PPIL4: variants seen among roughly 807,000 people sequenced by gnomAD.
PPIL4 encodes the protein peptidylprolyl isomerase like 4.
PPIL4 carries 50 observed loss-of-function variants against 69.1 expected under a neutral mutation model. The ratio of observed to expected loss-of-function variants is 0.72; its 90% CI spans 0.58 to 0.92. The LOEUF (loss-of-function observed/expected upper bound fraction) is 0.92, where lower values mean the gene tolerates loss of function less well. Among genes scored for constraint, PPIL4 ranks in the 40% least tolerant of loss-of-function variants. The pLI is 0.00. For synonymous variants in PPIL4, 193 were observed against 191.6 expected, an observed-to-expected ratio of 1.01 and a Z score of -0.06; for missense variants, 480 against 587.9, an observed-to-expected ratio of 0.82 and a Z score of 1.90.
At chr6:149,537,795 G>C (rs1777300364) in intron 4 of PPIL4, among the ~76,000 whole-genome samples, 1 of 152,120 alleles carries the variant, frequency 6.6e-6, no homozygotes, top group Non-Finnish European at 1.5e-5. Flanking sequence ...TCTGTTTACA[G>C]CAGGGTTTAT....
At chr6:149,510,225 C>T (rs1296122144) in intron 12 of PPIL4, among the ~76,000 whole-genome samples, 1 of 152,122 alleles carries the variant, frequency 6.6e-6, no homozygotes, top group South Asian at 2.1e-4. Flanking sequence ...AAAGAGCTAA[C>T]TACATATATC....
rs1562259490 is a variant in PPIL4, at chr6:149,525,136, G to C, written c.870+7C>G. ...AATACCAAACTTATGTCTGTATTAT[G>C]ACATACCTTTTCAAATTCAATAAAA... On this transcript the variant is annotated splice_region_variant and intron_variant, in intron 9 of 12. Transcript: ENST00000253329. The C allele has an allele frequency of 1.4e-6, 2 of 1,445,872 alleles. No homozygotes were observed. Among genetic ancestry groups the C allele is most frequent in the Non-Finnish European group, 1.9e-6 (2 of 1,040,582 alleles). 89.6% of individuals were successfully genotyped at this position (1,445,872 alleles called of 1,614,324 possible).
intron 6 of PPIL4, among the ~76,000 whole-genome samples, chr6:149,533,953 C>T (rs1201163237): frequency 1.3e-5 from 2 of 151,942 alleles, no homozygotes; most frequent in African/African-American, 4.8e-5. Flanking sequence ...GTCAGGAGTT[C>T]GAGACCAGCC....
Position 149,505,700 on chromosome 6 carries a change from A to G in PPIL4, c.1232T>C (p.Ile411Thr). 1 of 1,609,610 alleles carries G rather than the reference A, an allele frequency of 6.2e-7. No individual in the cohort carries two copies. Among genetic ancestry groups the G allele is most frequent in the East Asian group, 2.2e-5 (1 of 44,846 alleles). Residue 411 changes from isoleucine to threonine, a missense_variant, in exon 13 of 13, where the codon ATC becomes ACC. Physicochemically the swap from Ile to Thr is moderately conservative, Grantham distance 89 (BLOSUM62 -1). Transcript: ENST00000253329. ...YMPIKNTNQD[I>T]YREMGFGHYE... ...GTGACCAAACCCCATTTCTCTATAG[A>G]TATCCTGTCAAAGGAAGGGGGAATT...
chr6:149,531,803 A>G (rs957903279), intron 7 of PPIL4, among the ~76,000 whole-genome samples: 1 of 151,848 alleles, frequency 6.6e-6, no homozygotes, highest in African/African-American at 2.4e-5. Flanking sequence ...CTGAGTATCT[A>G]GGATTACAGC....
At chr6:149,511,960 T>C (rs1241550095) in intron 12 of PPIL4, among the ~76,000 whole-genome samples, 195 bp downstream of exon 12, 1 of 152,226 alleles carries the variant, frequency 6.6e-6, no homozygotes, top group Non-Finnish European at 1.5e-5. Context: ...ATGTCAAAAA[T>C]GATCTTTTAT....
chr6:149,512,160 T>C lies in PPIL4; in HGVS notation c.1222A>G (p.Asn408Asp), dbSNP rs530426424. 27 of 1,604,898 alleles carry C rather than the reference T, an allele frequency of 1.7e-5. No individual in the cohort carries two copies. The East Asian group carries it at 4.5e-4, about 27-fold the overall frequency. Residue 408 changes from asparagine (N) to aspartate (D), a missense_variant, in exon 12 of 13, where the codon AAT becomes GAT. Coordinates refer to ENST00000253329, the MANE Select transcript of PPIL4 (RefSeq NM_139126.4). ...DEDYMPIKNT[N>D]QDIYREMGFG... ...AGTCTGGACATTAGAGGTACCTGAT[T>C]AGTATTTTTGATTGGCATGTAGTCC...
chr6:149,519,603 C>T (rs1366737682), intron 10 of PPIL4, among the ~76,000 whole-genome samples: 1 of 152,174 alleles, frequency 6.6e-6, no homozygotes, highest in East Asian at 1.9e-4. Context: ...ACATGGAACT[C>T]CAATCCAAGT....
intron 10 of PPIL4, among the ~76,000 whole-genome samples, chr6:149,518,137 T>C (rs997466055): frequency 6.6e-5 from 10 of 152,140 alleles, no homozygotes; most frequent in African/African-American, 2.4e-4. Flanking sequence ...TGTCTCTACT[T>C]TGAAATTCTA....
chr6:149,533,764 T>A (rs1342149878), intron 6 of PPIL4, among the ~76,000 whole-genome samples, 190 bp from the exon 7 acceptor site: 1 of 151,852 alleles, frequency 6.6e-6, no homozygotes, highest in African/African-American at 2.4e-5. Flanking sequence ...TAAAAAAAAA[T>A]TTTTAATAAT....
intron 4 of PPIL4, among the ~76,000 whole-genome samples, chr6:149,537,717 AAG>A (rs1228978456): frequency 2.1e-5 from 3 of 144,314 alleles, no homozygotes; most frequent in African/African-American, 8.8e-5. Context: ...AAAAAAAAAA[AAG>A]AATGATGCTA....
chr6:149,506,352 AT>A (rs1019613318), intron 12 of PPIL4, among the ~76,000 whole-genome samples: 7 of 152,094 alleles, frequency 4.6e-5, no homozygotes, highest in African/African-American at 1.4e-4. Context: ...CATGCCTGTA[AT>A]CCCAGCTACT....
At position 149,517,351 on chromosome 6, in the gene PPIL4, T is replaced by G. The variant is rs770775526; in HGVS notation, c.1079+3A>C. 3 of 1,499,076 alleles carry G rather than the reference T, an allele frequency of 2.0e-6. No homozygotes were observed. Among genetic ancestry groups the G allele is most frequent in the Non-Finnish European group, 1.9e-6 (2 of 1,076,568 alleles). The allele number at this position is 1,499,076 out of a possible 1,614,324, so 92.9% of individuals were successfully genotyped here. A position where few individuals can be genotyped will look rare whatever the true frequency, so the allele number is the denominator to read the frequency against. The stretch of plus-strand genomic sequence containing the variant: ...TTAACTAACTGATTCTTGGTAAGGA[T>G]ACTCCTGTTTGGGCTTTACTTTATC... On this transcript the variant is annotated splice_donor_region_variant and intron_variant, in intron 11 of 12. Transcript: ENST00000253329.
In PPIL4 at chr6:149,541,399, T is replaced by C. The variant is rs780036934; in HGVS notation, c.171A>G (p.Thr57=). 4 of 1,558,682 alleles carry C rather than the reference T, an allele frequency of 2.6e-6. No homozygotes were observed. Among genetic ancestry groups the C allele is most frequent in the South Asian group, 2.4e-5 (2 of 83,424 alleles). ...TAGACTCTCCTCCACGGCCAGTCCC[T>C]GTAGGATCGCCAGTTTGTATGATAA... ...RDFIIQTGDP[T]GTGRGGESIF... The change falls in exon 3 of 13, where the codon ACA becomes ACG. Residue 57 remains threonine (T), a synonymous_variant. Transcript: ENST00000253329.
chr6:149,535,780 A>T (rs774713591), intron 4 of PPIL4, 42 bp from the exon 5 acceptor site: 5 of 1,418,460 alleles, frequency 3.5e-6, no homozygotes, highest in Non-Finnish European at 4.8e-6. Flanking sequence ...AAAATAATAC[A>T]TAACTCAAAC....
chr6:149,539,434 G>A (rs1777326905), intron 4 of PPIL4, among the ~76,000 whole-genome samples: 2 of 152,174 alleles, frequency 1.3e-5, no homozygotes, highest in African/African-American at 4.8e-5. Context: ...CTGGAGTGCA[G>A]TGGTACAATC....
intron 12 of PPIL4, among the ~76,000 whole-genome samples, chr6:149,511,337 C>A (rs939541051): frequency 6.6e-6 from 1 of 151,990 alleles, no homozygotes; most frequent in Non-Finnish European, 1.5e-5. Context: ...TGGGCTCAAG[C>A]GATCCTCTCA....
intron 12 of PPIL4, among the ~76,000 whole-genome samples, chr6:149,508,908 G>A (rs555135720): frequency 3.4e-4 from 52 of 152,072 alleles, no homozygotes; most frequent in Middle Eastern, 3.4e-3. Flanking sequence ...GCAAAACACC[G>A]ACAAACAGGA....
intron 8 of PPIL4, among the ~76,000 whole-genome samples, 159 bp downstream of exon 8, chr6:149,526,489 CACAT>C (rs1276006055): frequency 6.6e-6 from 1 of 152,090 alleles, no homozygotes; most frequent in African/African-American, 2.4e-5. Flanking sequence ...TGTCTACACA[CACAT>C]ATATACTTTT....
Sources: gnomAD v4.1 joint callset for allele counts (sites outside exome capture counted in the v4.1 genomes callset) on GRCh38, gnomAD v4.1.1 for gene constraint, MANE v1.5 for transcripts, NCBI Gene and HGNC (gene_info 2026-07-23, HGNC 2026-07-21) for gene names.